CLIC5: variants seen among roughly 807,000 people sequenced by gnomAD.
CLIC5 encodes chloride intracellular channel protein 5.
CLIC5 carries 20 observed loss-of-function variants against 24.7 expected under a neutral mutation model. The observed-to-expected ratio is 0.81, with a 90% CI of 0.57 to 1.18. The LOEUF (loss-of-function observed/expected upper bound fraction) is 1.18, where lower values mean the gene tolerates loss of function less well. Among genes scored for constraint, CLIC5 ranks in the 50% most tolerant of loss-of-function variants. CLIC5 has a pLI of 0.00. For synonymous variants in CLIC5, 159 were observed against 135.6 expected (o/e 1.17, Z -1.20); for missense variants, 341 against 326.1 (o/e 1.05, Z -0.35).
intron 4 of CLIC5, chr6:45,932,743 C>T (rs1368361737): frequency 3.3e-5 from 5 of 152,284 alleles, no homozygotes; most frequent in Admixed American, 2.0e-4. Context: ...GAGCATGACC[C>T]ACTGCAGGTG....
intron 1 of CLIC5, among the ~76,000 whole-genome samples, 168 bp downstream of exon 1, chr6:46,015,312 G>C (rs182959820): frequency 6.6e-6 from 1 of 152,210 alleles, no homozygotes; most frequent in African/African-American, 2.4e-5. Context: ...CCTCCATTCC[G>C]CCCAGGAGCC....
chr6:46,005,265 C>T (rs1477509453), intron 1 of CLIC5, among the ~76,000 whole-genome samples: 1 of 152,230 alleles, frequency 6.6e-6, no homozygotes, highest in African/African-American at 2.4e-5. Flanking sequence ...TCCAGTCGGA[C>T]ACTTGTTTCT....
chr6:45,914,962 ACT>A (rs1762969537), intron 4 of CLIC5, among the ~76,000 whole-genome samples: 1 of 151,730 alleles, frequency 6.6e-6, no homozygotes. Flanking sequence ...ACAGAGTCTC[ACT>A]CTGTCACTAA....
chr6:45,894,764 A>G (rs1319097346), downstream of CLIC5, among the ~76,000 whole-genome samples: 1 of 152,324 alleles, frequency 6.6e-6, no homozygotes, highest in East Asian at 1.9e-4. Flanking sequence ...AAAGGCAGAA[A>G]ACGGGCTGGG....
chr6:45,967,081 TG>T (rs1403710429), intron 1 of CLIC5, among the ~76,000 whole-genome samples: 2 of 152,174 alleles, frequency 1.3e-5, no homozygotes, highest in African/African-American at 4.8e-5. Context: ...TAGTCAGCCA[TG>T]GTGAAAAATG....
At position 45,996,850 on chromosome 6, in the gene CLIC5, A is replaced by C. The variant is rs925033604; in HGVS notation, c.63+18630T>G. Among the ~76,000 whole-genome samples, 8 of 151,822 alleles carry C rather than the reference A, an allele frequency of 5.3e-5. No individual in the cohort carries two copies. The East Asian group carries it at 9.7e-4, about 18-fold the overall frequency. On this transcript the variant is annotated intron_variant, in intron 1 of 5. Transcript: ENST00000339561. ...AATGGCAATCATTAAAAAGTCAGGAAACAACAGGTGCTGGAGAGGATGTGG... is the reference window on the plus strand; with the variant it reads ...AATGGCAATCATTAAAAAGTCAGGACACAACAGGTGCTGGAGAGGATGTGG...
intron 1 of CLIC5, among the ~76,000 whole-genome samples, chr6:45,964,917 A>G (rs151320714): frequency 2.0e-5 from 3 of 152,328 alleles, no homozygotes; most frequent in Non-Finnish European, 2.9e-5. Flanking sequence ...TTGGATGACA[A>G]TATGTATAAA....
chr6:46,063,708 T>C (rs1390498819), intron 1 of CLIC5, among the ~76,000 whole-genome samples: 4 of 152,148 alleles, frequency 2.6e-5, no homozygotes, highest in Non-Finnish European at 4.4e-5. Flanking sequence ...ACAGGGCTGG[T>C]AATAATTTGT....
chr6:46,065,123 C>A (rs1401780134), intron 1 of CLIC5, among the ~76,000 whole-genome samples: 4 of 152,048 alleles, frequency 2.6e-5, no homozygotes, highest in African/African-American at 9.7e-5. Flanking sequence ...TGAATAGGTG[C>A]TTCACCAAAG....
Position 45,980,236 on chromosome 6 carries a change from A to G in CLIC5, c.64-24992T>C, listed in dbSNP as rs114759804. Among the ~76,000 whole-genome samples the G allele has an allele frequency of 3.7e-3, 570 of 152,112 alleles. 3 individuals carry two copies. The highest frequency in any genetic ancestry group is 0.017 in the Middle Eastern group (5 of 294). On this transcript the variant is annotated intron_variant, in intron 1 of 5. Coordinates refer to ENST00000339561, the MANE Select transcript of CLIC5 (RefSeq NM_016929.5). ...ATGGGGCTTTATTTCTGGGTTCTTT[A>G]TCCTGTTTCACTGGTCTATGTGTCT...
chr6:46,013,510 A>G (rs944835282), intron 1 of CLIC5, among the ~76,000 whole-genome samples: 1 of 152,068 alleles, frequency 6.6e-6, no homozygotes, highest in African/African-American at 2.4e-5. Context: ...TGATGTTTTG[A>G]TCTCCCCATC....
intron 1 of CLIC5, among the ~76,000 whole-genome samples, chr6:45,997,146 C>T (rs1766174232): frequency 1.3e-5 from 2 of 150,066 alleles, no homozygotes; most frequent in Admixed American, 6.6e-5. Context: ...AAATGTGGCA[C>T]ATATACACCA....
intron 1 of CLIC5, among the ~76,000 whole-genome samples, chr6:46,069,607 A>G (rs1204372002): frequency 5.3e-5 from 8 of 152,082 alleles, no homozygotes; most frequent in Non-Finnish European, 1.5e-5. Flanking sequence ...AAAAAAGCCC[A>G]TGACCAGAAA....
intron 1 of CLIC5, among the ~76,000 whole-genome samples, chr6:46,068,810 T>G (rs1193381197): frequency 1.3e-5 from 2 of 152,118 alleles, no homozygotes; most frequent in Admixed American, 1.3e-4. Flanking sequence ...CTACAAGCCT[T>G]GGAGAGATGA....
chr6:46,067,632 A>C (rs993392628), intron 1 of CLIC5, among the ~76,000 whole-genome samples: 2 of 151,968 alleles, frequency 1.3e-5, no homozygotes, highest in East Asian at 1.9e-4. Context: ...AAGCCCTTTG[A>C]CTCCAATGTC....
chr6:46,098,324 A>C, the CLIC5 span, among the ~76,000 whole-genome samples: 1 of 152,244 alleles, frequency 6.6e-6, no homozygotes, highest in African/African-American at 2.4e-5. Flanking sequence ...GATTTCCAGT[A>C]GTAAGATTTC....
At chr6:45,883,029 CCA>C (rs1762276178) in intron 6 of CLIC5, among the ~76,000 whole-genome samples, 1 of 152,182 alleles carries the variant, frequency 6.6e-6, no homozygotes, top group Non-Finnish European at 1.5e-5. Context: ...CAAGATGGAG[CCA>C]CAGAGTGGGA....
chr6:46,048,648 C>A (rs1768020940), intron 1 of CLIC5, among the ~76,000 whole-genome samples: 1 of 152,156 alleles, frequency 6.6e-6, no homozygotes, highest in South Asian at 2.1e-4. Flanking sequence ...ACTAGTCCAG[C>A]TCCTGAAACC....
intron 4 of CLIC5, among the ~76,000 whole-genome samples, chr6:45,923,139 C>G (rs181905514): frequency 3.1e-4 from 47 of 152,234 alleles, no homozygotes; most frequent in African/African-American, 1.1e-3. Context: ...TAAATGCTGA[C>G]GGAAGCTATT....
Sources: gnomAD v4.1 joint callset for allele counts (sites outside exome capture counted in the v4.1 genomes callset) on GRCh38, gnomAD v4.1.1 for gene constraint, MANE v1.5 for transcripts, NCBI Gene and HGNC (gene_info 2026-07-23, HGNC 2026-07-21) for gene names.